The following DNAH7 variants were observed in gnomAD, a reference collection of about 807,000 sequenced individuals.
The protein encoded by DNAH7 is axonemal beta dynein heavy chain 7.
A neutral mutation model predicts 444.6 loss-of-function variants in DNAH7; 397 were observed. That is an observed-to-expected ratio of 0.89 (90% CI 0.82 to 0.97). DNAH7 has a LOEUF of 0.97. Ranked by LOEUF, DNAH7 falls within the 50% of genes least tolerant of loss-of-function variation. The probability of loss-of-function intolerance (pLI) is 0.00; values close to 1 mark genes in which losing one functional copy is unlikely to be tolerated. For synonymous variants in DNAH7, 1,636 were observed against 1,624.4 expected (o/e 1.01, Z -0.17); for missense variants, 4,902 against 4,800.8 (o/e 1.02, Z -0.62).
chr2:195,848,662 G>T (rs1699165168), intron 46 of DNAH7, among the ~76,000 whole-genome samples: 1 of 152,230 alleles, frequency 6.6e-6, no homozygotes. Flanking sequence ...AGACAGTGTA[G>T]CATCAAGCTA....
rs538071190 is a variant in DNAH7 at position 195,769,198 on chromosome 2, G to A, written c.11433+2462C>T. Among the ~76,000 whole-genome samples the A allele has an allele frequency of 2.6e-5, 4 of 152,202 alleles. No individual in the cohort carries two copies. The South Asian group carries it at 8.3e-4, about 32-fold the overall frequency. ...GGGTGAAAGAAATTGATGCTTCAAA[G>A]TAATCTATGCTTGCGGAGAATAAAG... is the stretch of plus-strand genomic sequence containing the variant. On this transcript the variant is annotated intron_variant, in intron 61 of 64. Transcript: ENST00000312428.
At chr2:195,878,164 A>G (rs1200046806) in intron 36 of DNAH7, among the ~76,000 whole-genome samples, 1 of 152,210 alleles carries the variant, frequency 6.6e-6, no homozygotes, top group Non-Finnish European at 1.5e-5. Flanking sequence ...ATTGCTTAAG[A>G]CTCTAAAATA....
chr2:195,973,185 T>C (rs1240471480), intron 15 of DNAH7, among the ~76,000 whole-genome samples: 1 of 152,122 alleles, frequency 6.6e-6, no homozygotes, highest in Non-Finnish European at 1.5e-5. Flanking sequence ...ACCAGAGTGG[T>C]AGGGCAGCAG....
intron 21 of DNAH7, among the ~76,000 whole-genome samples, chr2:195,927,271 T>C (rs1342842504): frequency 6.6e-6 from 1 of 152,164 alleles, no homozygotes; most frequent in Non-Finnish European, 1.5e-5. Flanking sequence ...TAGTGATGTC[T>C]GTGAGGTGGT....
intron 1 of DNAH7, among the ~76,000 whole-genome samples, chr2:196,058,715 T>C (rs1465580166): frequency 1.3e-5 from 2 of 152,158 alleles, no homozygotes; most frequent in African/African-American, 2.4e-5. Context: ...GGACAACCCA[T>C]GTTCATGGAT....
intron 5 of DNAH7, among the ~76,000 whole-genome samples, chr2:196,039,336 A>G (rs895940342): frequency 6.6e-6 from 1 of 152,202 alleles, no homozygotes; most frequent in African/African-American, 2.4e-5. Context: ...ACTAAAACCT[A>G]TGGAATACAG....
intron 61 of DNAH7, among the ~76,000 whole-genome samples, chr2:195,765,511 T>C (rs1338509564): frequency 1.3e-5 from 2 of 152,194 alleles, no homozygotes; most frequent in South Asian, 2.1e-4. Context: ...ATATATAAGA[T>C]GGTCAAACAA....
chr2:195,936,751 C>G lies in DNAH7; in HGVS notation c.3120G>C (p.Leu1040=). 4 of 1,592,078 alleles carry G rather than the reference C, an allele frequency of 2.5e-6. No individual in the cohort carries two copies. Among genetic ancestry groups the G allele is most frequent in the Non-Finnish European group, 3.4e-6 (4 of 1,171,336 alleles). ...VLTVVTIDRM[L]ERLKKSNELL... is the part of the protein sequence containing the mutation. ...GTTCATTAGATTTTTTCAGCCTTTC[C>G]AGCATTCTGTCAATGGTTACAACTG... The change falls in exon 20 of 65, where the codon CTG becomes CTC. Residue 1040 remains leucine (L), a synonymous_variant. Coordinates refer to ENST00000312428, the MANE Select transcript of DNAH7 (RefSeq NM_018897.3).
intron 46 of DNAH7, among the ~76,000 whole-genome samples, chr2:195,846,662 T>A (rs1699016790): frequency 1.3e-5 from 2 of 152,096 alleles, no homozygotes; most frequent in East Asian, 1.9e-4. Flanking sequence ...TTTGAGTCAG[T>A]CAGCTGGGAA....
chr2:195,922,986 C>T (rs1199730415), intron 23 of DNAH7, among the ~76,000 whole-genome samples: 2 of 152,110 alleles, frequency 1.3e-5, no homozygotes, highest in African/African-American at 4.8e-5. Flanking sequence ...CCTCAGTCCT[C>T]AAGTAGCTGG....
At chr2:195,786,704 T>C (rs1283654553) in intron 58 of DNAH7, among the ~76,000 whole-genome samples, 2 of 141,730 alleles carry the variant, frequency 1.4e-5, no homozygotes, top group African/African-American at 5.9e-5. Flanking sequence ...ACCTGGTTAA[T>C]AGTCTTCTCA....
intron 3 of DNAH7, among the ~76,000 whole-genome samples, chr2:196,050,406 T>C (rs955431332): frequency 1.3e-5 from 2 of 152,172 alleles, no homozygotes; most frequent in Non-Finnish European, 2.9e-5. Flanking sequence ...AAAAGAGTTC[T>C]GGAGATGAGT....
chr2:195,745,025 GAGA>G (rs940191097), intron 63 of DNAH7, among the ~76,000 whole-genome samples: 26 of 152,248 alleles, frequency 1.7e-4, no homozygotes, highest in Admixed American at 1.6e-3. Context: ...GACGAGCTGA[GAGA>G]AGAAGGCTTC....
At position 195,772,603 on chromosome 2, in the gene DNAH7, CATAA is replaced by C. The variant is rs1174675360; in HGVS notation, c.11203-717_11203-714del. Among the ~76,000 whole-genome samples, 20 of 152,080 alleles carry C rather than the reference CATAA, an allele frequency of 1.3e-4. 1 individual carries two copies. Among genetic ancestry groups the C allele is most frequent in the Non-Finnish European group, 1.2e-4 (8 of 67,988 alleles). Reference sequence around the variant, plus strand: ...TGAAAGAAAACAAGTACTATTAGAACATAAATAAATACATCTCATGTTTTACCAG... The same window carrying C: ...TGAAAGAAAACAAGTACTATTAGAACATAAATACATCTCATGTTTTACCAG... On this transcript the variant is annotated intron_variant, in intron 60 of 64. Coordinates refer to ENST00000312428, the MANE Select transcript of DNAH7 (RefSeq NM_018897.3).
chr2:195,975,323 C>T (rs752179275), intron 15 of DNAH7, among the ~76,000 whole-genome samples: 5 of 151,646 alleles, frequency 3.3e-5, no homozygotes, highest in African/African-American at 4.8e-5. Context: ...TGTTGGAACT[C>T]GGTGCTGCCA....
At chr2:196,053,508 G>A (rs1697613396) in intron 2 of DNAH7, among the ~76,000 whole-genome samples, 1 of 152,220 alleles carries the variant, frequency 6.6e-6, no homozygotes, top group Non-Finnish European at 1.5e-5. Flanking sequence ...AAATGGTTCT[G>A]ATGATACAAA....
intron 61 of DNAH7, among the ~76,000 whole-genome samples, chr2:195,762,539 A>ATTCC (rs2105923670): frequency 6.6e-6 from 1 of 152,334 alleles, no homozygotes; most frequent in Non-Finnish European, 1.5e-5. Flanking sequence ...GGATAAAGAT[A>ATTCC]TTCCATGCCA....
intron 47 of DNAH7, among the ~76,000 whole-genome samples, chr2:195,839,817 G>A (rs1698574460): frequency 6.6e-6 from 1 of 151,742 alleles, no homozygotes; most frequent in Non-Finnish European, 1.5e-5. Flanking sequence ...CACTTAGGAA[G>A]AAATAGATCA....
chr2:195,810,996 A>G (rs763685007), intron 51 of DNAH7, among the ~76,000 whole-genome samples: 2 of 152,232 alleles, frequency 1.3e-5, no homozygotes, highest in Non-Finnish European at 2.9e-5. Flanking sequence ...TCTTGTAGAC[A>G]GAAAGATTGA....
Sources: gnomAD v4.1 joint callset for allele counts (sites outside exome capture counted in the v4.1 genomes callset) on GRCh38, gnomAD v4.1.1 for gene constraint, MANE v1.5 for transcripts, NCBI Gene and HGNC (gene_info 2026-07-23, HGNC 2026-07-21) for gene names.